The following TSEN15 variants were observed in gnomAD, a reference collection of about 807,000 sequenced individuals.
TSEN15 encodes tRNA splicing endonuclease subunit 15.
TSEN15 carries 10 observed loss-of-function variants against 20.5 expected under a neutral mutation model. The ratio of observed to expected loss-of-function variants is 0.49; its 90% CI spans 0.30 to 0.83. TSEN15 has a LOEUF of 0.83. TSEN15 is among the 40% of genes least tolerant of loss of function. The pLI is 0.06. For synonymous variants in TSEN15, 72 were observed against 80.1 expected (o/e 0.90, Z 0.54); for missense variants, 180 against 218.6 (o/e 0.82, Z 1.11).
intron 3 of TSEN15, among the ~76,000 whole-genome samples, chr1:184,089,442 TC>T (rs768704907): frequency 7.1e-4 from 108 of 152,166 alleles, no homozygotes; most frequent in Middle Eastern, 3.4e-3. Flanking sequence ...TTGAGACCCT[TC>T]CCCCTTTTAG....
At chr1:184,078,202 C>A (rs1651100862), downstream of TSEN15, among the ~76,000 whole-genome samples, 2 of 152,114 alleles carry the variant, frequency 1.3e-5, no homozygotes, top group African/African-American at 4.8e-5. Flanking sequence ...TCTCCACCAG[C>A]AAAAAGATTA....
At chr1:184,057,513 T>C (rs1650291979) in intron 3 of TSEN15, among the ~76,000 whole-genome samples, 1 of 152,208 alleles carries the variant, frequency 6.6e-6, no homozygotes, top group Non-Finnish European at 1.5e-5. Context: ...ACCTGGGTTC[T>C]AGTCTTGGGA....
chr1:184,067,937 A>G (rs1572711841), intron 3 of TSEN15, among the ~76,000 whole-genome samples: 1 of 116,608 alleles, frequency 8.6e-6, no homozygotes, highest in Non-Finnish European at 1.8e-5. Context: ...AAAAAAAAAA[A>G]AAAAATATAT....
chr1:184,082,572 G>A (rs147685372), intron 3 of TSEN15, among the ~76,000 whole-genome samples: 255 of 152,128 alleles, frequency 1.7e-3, no homozygotes, highest in African/African-American at 5.8e-3. Flanking sequence ...CCTTTGGAGC[G>A]TCTATTGTCT....
At chr1:184,088,585 A>ATT (rs199533895) in intron 3 of TSEN15, among the ~76,000 whole-genome samples, 1,285 of 121,222 alleles carry the variant, frequency 0.011, 21 homozygotes, top group African/African-American at 0.035. Context: ...TGTTTTTTGT[A>ATT]TTTTTTTTTT....
Position 184,071,479 on chromosome 1 carries a change from C to T in TSEN15, c.354-678C>T, listed in dbSNP as rs557717278. On this transcript the variant is annotated intron_variant, in intron 3 of 4. Transcript: ENST00000645668. ...GGTTTAAATATATAAACATATATGA[C>T]AATAATAGCATAAAGGTGGAGGAAA... Among the ~76,000 whole-genome samples, 40 of 151,610 alleles carry T rather than the reference C, an allele frequency of 2.6e-4. No individual in the cohort carries two copies. In the South Asian group the frequency reaches 8.1e-3, roughly 31 times the overall value.
intron 3 of TSEN15, among the ~76,000 whole-genome samples, chr1:184,056,273 C>T (rs528844874): frequency 6.6e-6 from 1 of 152,014 alleles, no homozygotes; most frequent in Non-Finnish European, 1.5e-5. Context: ...TAAATTTTTG[C>T]CAATGGAATG....
chr1:184,058,019 C>A, intron 3 of TSEN15: 1 of 297,266 alleles, frequency 3.4e-6, no homozygotes, highest in Non-Finnish European at 6.5e-6. Flanking sequence ...TTTGTTTGGA[C>A]AAGGAGCTAC....
At chr1:184,083,628 A>G (rs1425233899) in intron 3 of TSEN15, among the ~76,000 whole-genome samples, 2 of 152,146 alleles carry the variant, frequency 1.3e-5, no homozygotes. Context: ...TGGGTGAAAA[A>G]TTGGTCATCT....
In TSEN15 at chr1:184,053,686, T is replaced by G. The variant is rs139019314; in HGVS notation, c.136-668T>G. ...TGTAGGCCCCTGAAAAGTATTCCCC[T>G]TATGCTGACCAGTAGTCTGAAAGAA... On this transcript the variant is annotated intron_variant, in intron 1 of 4. Coordinates refer to ENST00000645668, the MANE Select transcript of TSEN15 (RefSeq NM_052965.4). Among the ~76,000 whole-genome samples, 720 of 152,288 alleles carry G rather than the reference T, an allele frequency of 4.7e-3. 6 individuals are homozygous for G. The highest frequency in any genetic ancestry group is 0.027 in the Middle Eastern group (8 of 294).
rs1248701455 is a variant in TSEN15, at chr1:184,073,255, GC to G, written c.*409del. 6.0e-6 allele frequency: 1 copy of G among 165,454 alleles called. No homozygotes were observed. The highest frequency in any genetic ancestry group is 2.4e-5 in the African/African-American group (1 of 42,046). The allele number at this position is 165,454 out of a possible 1,614,324, so 10.2% of individuals were successfully genotyped here. ...CTCTCCCCAGTGCCTTTTGGCCACT[GC>G]AGCTACCGTAGAATGGCATTTTATA... On this transcript the variant is annotated 3_prime_UTR_variant, in exon 5 of 5. Transcript: ENST00000645668.
intron 3 of TSEN15, among the ~76,000 whole-genome samples, chr1:184,079,869 C>T (rs899329534): frequency 3.3e-5 from 5 of 152,140 alleles, no homozygotes; most frequent in African/African-American, 1.2e-4. Context: ...CCTCTACCCT[C>T]AAGGAATTCA....
At chr1:184,090,687 A>G (rs1323815689) in intron 3 of TSEN15, among the ~76,000 whole-genome samples, 1 of 152,086 alleles carries the variant, frequency 6.6e-6, no homozygotes, top group East Asian at 1.9e-4. Flanking sequence ...CTGATCAAGC[A>G]TTTTCATCTA....
downstream of TSEN15, among the ~76,000 whole-genome samples, chr1:184,076,532 G>A (rs923740368): frequency 6.6e-6 from 1 of 152,118 alleles, no homozygotes; most frequent in Non-Finnish European, 1.5e-5. Context: ...TCAAGTAAAA[G>A]GTAGTGTAGT....
intron 3 of TSEN15, among the ~76,000 whole-genome samples, chr1:184,088,609 G>A (rs1480176038): frequency 8.2e-6 from 1 of 122,658 alleles, no homozygotes; most frequent in Admixed American, 9.9e-5. Flanking sequence ...GGTAGAGATC[G>A]AGTTTCACCA....
downstream of TSEN15, among the ~76,000 whole-genome samples, chr1:184,078,564 C>T (rs887277659): frequency 6.6e-6 from 1 of 152,018 alleles, no homozygotes; most frequent in African/African-American, 2.4e-5. Flanking sequence ...AATCAGTGTG[C>T]CCTCTGTGCT....
At chr1:184,079,141 G>A (rs1572719490), downstream of TSEN15, among the ~76,000 whole-genome samples, 1 of 152,020 alleles carries the variant, frequency 6.6e-6, no homozygotes, top group South Asian at 2.1e-4. Flanking sequence ...AATGATCTTT[G>A]GATAAGAACT....
intron 3 of TSEN15, among the ~76,000 whole-genome samples, chr1:184,067,484 CTAAG>C (rs1171816753): frequency 6.6e-6 from 1 of 152,078 alleles, no homozygotes; most frequent in African/African-American, 2.4e-5. Context: ...GTACATGGTG[CTAAG>C]TAAGTATTTG....
intron 3 of TSEN15, among the ~76,000 whole-genome samples, chr1:184,081,511 AAG>A (rs1302142138): frequency 6.6e-6 from 1 of 152,178 alleles, no homozygotes; most frequent in African/African-American, 2.4e-5. Flanking sequence ...TACCTCAAGA[AAG>A]AGGGGAAGTG....
Sources: gnomAD v4.1 joint callset for allele counts (sites outside exome capture counted in the v4.1 genomes callset) on GRCh38, gnomAD v4.1.1 for gene constraint, MANE v1.5 for transcripts, NCBI Gene and HGNC (gene_info 2026-07-23, HGNC 2026-07-21) for gene names.